The following PDE3B variants were observed in gnomAD, a reference collection of about 807,000 sequenced individuals.
The protein encoded by PDE3B is phosphodiesterase 3B, also known as cGMP-inhibited 3',5'-cyclic phosphodiesterase 3B.
In PDE3B, 66 loss-of-function variants were observed where a neutral mutation model predicts 116.8. The observed-to-expected ratio is 0.56, with a 90% CI of 0.46 to 0.69. The LOEUF is 0.69. Among genes scored for constraint, PDE3B ranks in the 30% least tolerant of loss-of-function variants. The pLI, the probability that PDE3B is intolerant of heterozygous loss-of-function variation, is 0.00. For missense variants in PDE3B, 1,384 were observed against 1,368.1 expected (o/e 1.01, Z -0.18); for synonymous variants, 595 against 533.6 (o/e 1.12, Z -1.59).
At chr11:14,869,121 A>T (rs917235932) in intron 15 of PDE3B, among the ~76,000 whole-genome samples, 2 of 152,076 alleles carry the variant, frequency 1.3e-5, no homozygotes, top group Non-Finnish European at 2.9e-5. Flanking sequence ...GGTTATTTTC[A>T]TTTGAAATTT....
intron 1 of PDE3B, among the ~76,000 whole-genome samples, chr11:14,723,937 G>A (rs1364518533): frequency 1.3e-5 from 2 of 152,172 alleles, no homozygotes; most frequent in African/African-American, 2.4e-5. Context: ...GGAAGGTGAT[G>A]TTTTATTCTA....
Position 14,784,801 on chromosome 11 carries a change from T to C in PDE3B, c.1030-1636T>C, listed in dbSNP as rs191508264. Among the ~76,000 whole-genome samples the C allele has an allele frequency of 4.6e-5, 7 of 152,266 alleles. No individual in the cohort carries two copies. The East Asian group carries it at 1.3e-3, about 29-fold the overall frequency. ...GGTATTCCTGTTGTCATTGGAGATA[T>C]TTATGAGTAGATTCTAATTACCTTG... is the stretch of plus-strand genomic sequence containing the variant. On this transcript the variant is annotated intron_variant, in intron 2 of 15. Coordinates refer to ENST00000282096, the MANE Select transcript of PDE3B (RefSeq NM_000922.4).
chr11:14,694,123 A>G (rs1855131104), intron 1 of PDE3B, among the ~76,000 whole-genome samples: 1 of 152,184 alleles, frequency 6.6e-6, no homozygotes, highest in Admixed American at 6.6e-5. Context: ...CAGTGTCATG[A>G]AAAAACTTGA....
chr11:14,809,150 A>G (rs1859046188), intron 5 of PDE3B, among the ~76,000 whole-genome samples: 1 of 152,218 alleles, frequency 6.6e-6, no homozygotes, highest in African/African-American at 2.4e-5. Flanking sequence ...GCATAGAGAT[A>G]TTTCTATTCA....
At chr11:14,784,358 C>T (rs1312672617) in intron 2 of PDE3B, among the ~76,000 whole-genome samples, 1 of 152,142 alleles carries the variant, frequency 6.6e-6, no homozygotes, top group South Asian at 2.1e-4. Flanking sequence ...ATTATAACAT[C>T]ATCTGATACT....
At chr11:14,781,518 A>G (rs1247702830) in intron 2 of PDE3B, among the ~76,000 whole-genome samples, 2 of 152,244 alleles carry the variant, frequency 1.3e-5, no homozygotes, top group Non-Finnish European at 2.9e-5. Context: ...ACACAAATCA[A>G]TAAATGTAAT....
intron 1 of PDE3B, chr11:14,700,934 C>T (rs958928448): frequency 6.6e-6 from 1 of 151,666 alleles, no homozygotes; most frequent in African/African-American, 2.4e-5. Flanking sequence ...TTTAAATTTG[C>T]ATTGGCTTTT....
At chr11:14,865,579 A>G (rs1306526099) in intron 14 of PDE3B, among the ~76,000 whole-genome samples, 2 of 152,190 alleles carry the variant, frequency 1.3e-5, no homozygotes, top group Admixed American at 1.3e-4. Flanking sequence ...TCTGCTGTTT[A>G]TAAGTTACAA....
At chr11:14,844,408 C>T (rs944862490) in intron 12 of PDE3B, among the ~76,000 whole-genome samples, 6 of 152,194 alleles carry the variant, frequency 3.9e-5, no homozygotes, top group African/African-American at 9.6e-5. Flanking sequence ...GCGTGAGTGA[C>T]GCAGAAGACG....
chr11:14,668,661 G>A (rs937299576), intron 1 of PDE3B, among the ~76,000 whole-genome samples: 2 of 152,102 alleles, frequency 1.3e-5, no homozygotes, highest in Non-Finnish European at 2.9e-5. Context: ...ACAATGAAAG[G>A]AAGGTCCCTT....
At chr11:14,666,788 G>C (rs1294579173) in intron 1 of PDE3B, among the ~76,000 whole-genome samples, 2 of 152,168 alleles carry the variant, frequency 1.3e-5, no homozygotes, top group Non-Finnish European at 2.9e-5. Context: ...GAAACCACAG[G>C]TGCTGGAGAG....
At chr11:14,735,218 G>T (rs1378166339) in intron 1 of PDE3B, among the ~76,000 whole-genome samples, 2 of 152,152 alleles carry the variant, frequency 1.3e-5, no homozygotes, top group African/African-American at 2.4e-5. Flanking sequence ...AAAGTTTCTA[G>T]ATACAACAGA....
chr11:14,887,438 G>T, the PDE3B span: 1 of 264,308 alleles, frequency 3.8e-6, no homozygotes, highest in Non-Finnish European at 5.9e-6. Flanking sequence ...CCTGTATACA[G>T]TTTTCAAGGA....
At chr11:14,862,182 T>C (rs1256263292) in intron 14 of PDE3B, among the ~76,000 whole-genome samples, 1 of 152,186 alleles carries the variant, frequency 6.6e-6, no homozygotes, top group Admixed American at 6.5e-5. Flanking sequence ...CTGTGACCAA[T>C]TATTATTTTA....
At chr11:14,664,601 C>T (rs911908472) in intron 1 of PDE3B, among the ~76,000 whole-genome samples, 2 of 152,166 alleles carry the variant, frequency 1.3e-5, no homozygotes, top group African/African-American at 2.4e-5. Context: ...ACCAATCCCA[C>T]AGAAATACAA....
intron 7 of PDE3B, among the ~76,000 whole-genome samples, chr11:14,824,289 C>T (rs1375307790): frequency 6.6e-6 from 1 of 152,160 alleles, no homozygotes; most frequent in East Asian, 1.9e-4. Flanking sequence ...CTTAACCAGG[C>T]TGAGCTGGCT....
At chr11:14,761,443 T>G (rs1857357268) in intron 1 of PDE3B, among the ~76,000 whole-genome samples, 1 of 152,172 alleles carries the variant, frequency 6.6e-6, no homozygotes, top group African/African-American at 2.4e-5. Context: ...CAATTCAGTA[T>G]TATATTATTC....
the PDE3B span, chr11:14,891,267 T>C: frequency 2.0e-6 from 2 of 985,350 alleles, no homozygotes; most frequent in South Asian, 4.7e-5. Flanking sequence ...TTATGAGTTT[T>C]AAATGAGTCA....
chr11:14,830,719 C>T lies in PDE3B; in HGVS notation c.1829C>T (p.Ser610Leu), dbSNP rs138218003. The stretch of plus-strand genomic sequence containing the variant: ...AAAGGTGAAGAAGAAAACATTTTCT[C>T]GAAAGAATCATTCAAACTTATGGAA... The part of the protein sequence containing the change: ...GKSGEEENIF[S>L]KESFKLMETQ... Residue 610 changes from serine (S) to leucine (L), a missense_variant, in exon 8 of 16, where the codon TCG (serine) becomes TTG (leucine). This residue lies in a region of PDE3B where 956 missense variants were observed against 806.8 expected (regional missense o/e 1.18). Transcript: ENST00000282096. The T allele has an allele frequency of 2.1e-5, 31 of 1,468,694 alleles. No homozygotes were observed. Among genetic ancestry groups the T allele is most frequent in the African/African-American group, 7.4e-5 (5 of 68,012 alleles). The allele number at this position is 1,468,694 out of a possible 1,614,324, so 91.0% of individuals were successfully genotyped here.
Sources: allele counts gnomAD v4.1 joint callset (sites outside exome capture counted in the v4.1 genomes callset), GRCh38; gene constraint gnomAD v4.1.1; regional missense constraint gnomAD v4.1.1; transcripts MANE v1.5; gene names NCBI Gene and HGNC (gene_info 2026-07-23, HGNC 2026-07-21).